The following COL5A2 variants were observed in gnomAD, a reference collection of about 807,000 sequenced individuals.
COL5A2 encodes the protein collagen type V alpha 2 chain.
COL5A2 carries 23 observed loss-of-function variants against 208.2 expected under a neutral mutation model. That is an observed-to-expected ratio of 0.11 (90% CI 0.08 to 0.16). The LOEUF (loss-of-function observed/expected upper bound fraction) is 0.16. Among genes scored for constraint, COL5A2 ranks in the 10% least tolerant of loss-of-function variants. COL5A2 has a pLI of 1.00. For synonymous variants in COL5A2, 625 were observed against 628.5 expected, an observed-to-expected ratio of 0.99 and a Z score of 0.08; for missense variants, 1,590 against 1,956.4, an observed-to-expected ratio of 0.81 and a Z score of 3.53.
chr2:189,293,198 T>C, the COL5A2 span, among the ~76,000 whole-genome samples: 7 of 152,010 alleles, frequency 4.6e-5, no homozygotes, highest in Admixed American at 3.3e-4. Flanking sequence ...GGCACATGTA[T>C]ACATATGTAA....
At chr2:189,136,904 T>C (rs1687838076) in intron 1 of COL5A2, among the ~76,000 whole-genome samples, 1 of 152,164 alleles carries the variant, frequency 6.6e-6, no homozygotes, top group African/African-American at 2.4e-5. Context: ...CTACTTACAA[T>C]CTGAACTTTA....
chr2:189,381,608 T>C, the COL5A2 span, among the ~76,000 whole-genome samples: 1 of 152,116 alleles, frequency 6.6e-6, no homozygotes, highest in Non-Finnish European at 1.5e-5. Flanking sequence ...AACATTCTAC[T>C]TAAAATCATG....
the COL5A2 span, among the ~76,000 whole-genome samples, chr2:189,264,099 T>C: frequency 1.3e-5 from 2 of 152,064 alleles, no homozygotes; most frequent in Non-Finnish European, 2.9e-5. Flanking sequence ...AAAAAATCAA[T>C]TGCATTCTTA....
chr2:189,382,197 T>C, the COL5A2 span, among the ~76,000 whole-genome samples: 88 of 152,214 alleles, frequency 5.8e-4, no homozygotes, highest in South Asian at 0.017. Flanking sequence ...AAAGGTGATA[T>C]ACAGCTCAGT....
chr2:189,195,598 T>C (rs1308818742), intron 1 of COL5A2, among the ~76,000 whole-genome samples: 1 of 152,140 alleles, frequency 6.6e-6, no homozygotes, highest in African/African-American at 2.4e-5. Flanking sequence ...AACAGCATGG[T>C]ACTGGTACCA....
the COL5A2 span, among the ~76,000 whole-genome samples, chr2:189,368,297 C>T: frequency 6.6e-6 from 1 of 152,150 alleles, no homozygotes; most frequent in Non-Finnish European, 1.5e-5. Context: ...TGAGTTATTT[C>T]AGTATCTCAT....
chr2:189,035,857 A>G (rs115881221), intron 52 of COL5A2, among the ~76,000 whole-genome samples: 1,792 of 152,220 alleles, frequency 0.012, 37 homozygotes, highest in African/African-American at 0.04. Context: ...TTAGGCTGCC[A>G]TAAAGAGATG....
chr2:189,357,902 A>G, the COL5A2 span, among the ~76,000 whole-genome samples: 3 of 152,012 alleles, frequency 2.0e-5, no homozygotes, highest in Non-Finnish European at 4.4e-5. Context: ...GACTGTGGGG[A>G]AAAATGCAGT....
At chr2:189,317,054 C>T in the COL5A2 span, among the ~76,000 whole-genome samples, 17 of 151,868 alleles carry the variant, frequency 1.1e-4, no homozygotes, top group Non-Finnish European at 1.8e-4. Context: ...AAAATAAAAG[C>T]GTACATTCAT....
intron 22 of COL5A2, 84 bp downstream of exon 22, chr2:189,066,645 T>A: frequency 7.4e-7 from 1 of 1,360,260 alleles, no homozygotes; most frequent in South Asian, 1.2e-5. Flanking sequence ...ATTCTCATTA[T>A]TATTTTAAAC....
chr2:189,181,181 T>C (rs1042895189), upstream of COL5A2, among the ~76,000 whole-genome samples: 1 of 152,220 alleles, frequency 6.6e-6, no homozygotes, highest in Non-Finnish European at 1.5e-5. Context: ...ATTACTGTTC[T>C]TAATAGAAGA....
At chr2:189,284,318 A>G in the COL5A2 span, among the ~76,000 whole-genome samples, 1 of 152,164 alleles carries the variant, frequency 6.6e-6, no homozygotes, top group Non-Finnish European at 1.5e-5. Flanking sequence ...GCGATCAAGA[A>G]CTACCTAAGA....
At chr2:189,338,311 C>A in the COL5A2 span, among the ~76,000 whole-genome samples, 1 of 152,178 alleles carries the variant, frequency 6.6e-6, no homozygotes, top group African/African-American at 2.4e-5. Context: ...TTGACCAACA[C>A]TGCCAAGTCA....
chr2:189,298,069 T>C, the COL5A2 span, among the ~76,000 whole-genome samples: 5 of 152,092 alleles, frequency 3.3e-5, no homozygotes, highest in African/African-American at 1.2e-4. Context: ...CTGCTAGAGG[T>C]AGTGATGGGA....
At chr2:189,322,496 T>C in the COL5A2 span, among the ~76,000 whole-genome samples, 1 of 152,076 alleles carries the variant, frequency 6.6e-6, no homozygotes, top group Non-Finnish European at 1.5e-5. Context: ...AAAGGGGATA[T>C]CACCACCGAT....
At chr2:189,161,638 T>C (rs537519555) in intron 1 of COL5A2, among the ~76,000 whole-genome samples, 1 of 152,330 alleles carries the variant, frequency 6.6e-6, no homozygotes, top group African/African-American at 2.4e-5. Context: ...TTTTGAAACA[T>C]GAAGAAAATA....
Position 189,179,576 on chromosome 2 carries a change from G to T in COL5A2, c.29C>A (p.Pro10His), listed in dbSNP as rs1262160231. Residue 10 changes from proline (P) to histidine (H), a missense_variant, in exon 1 of 54, where the codon CCT becomes CAT. Coordinates refer to ENST00000374866, the MANE Select transcript of COL5A2 (RefSeq NM_000393.5). ...TAATAAAACAATAAGAATGAGGAGA[G>T]GTCTTGCTTCCGCCCAGTTTGCCAT... MMANWAEARPLLILIVLLGQ... is the reference protein window; with the variant it reads MMANWAEARHLLILIVLLGQ... 6.2e-7 allele frequency: 1 copy of T among 1,609,258 alleles called. No individual in the cohort carries two copies. Among genetic ancestry groups the T allele is most frequent in the South Asian group, 1.1e-5 (1 of 90,200 alleles).
chr2:189,302,875 C>T, the COL5A2 span, among the ~76,000 whole-genome samples: 17 of 152,210 alleles, frequency 1.1e-4, no homozygotes, highest in Non-Finnish European at 2.1e-4. Flanking sequence ...TACTTTACTT[C>T]GTAATGGCCC....
At chr2:189,232,765 C>A in the COL5A2 span, among the ~76,000 whole-genome samples, 7 of 151,698 alleles carry the variant, frequency 4.6e-5, no homozygotes, top group African/African-American at 1.7e-4. Context: ...TTCCCTTGCC[C>A]TTTCTCCCAT....
Sources: allele counts gnomAD v4.1 joint callset (sites outside exome capture counted in the v4.1 genomes callset), GRCh38; gene constraint gnomAD v4.1.1; transcripts MANE v1.5; gene names NCBI Gene and HGNC (gene_info 2026-07-23, HGNC 2026-07-21).